Variants in MECOM observed in about 807,000 individuals in gnomAD.
MECOM encodes MDS1 and EVI1 complex locus.
Under a neutral mutation model 116.3 loss-of-function variants are expected in MECOM, and 13 were observed. That is an observed-to-expected ratio of 0.11 (90% CI 0.07 to 0.18). MECOM has a LOEUF of 0.18. Among genes scored for constraint, MECOM ranks in the 10% least tolerant of loss-of-function variants. MECOM has a pLI of 1.00. For synonymous variants in MECOM, 528 were observed against 535.2 expected (o/e 0.99, Z 0.19); for missense variants, 1,299 against 1,509.0 (o/e 0.86, Z 2.31).
chr3:169,580,501 A>G (rs1484170050), intron 1 of MECOM, among the ~76,000 whole-genome samples: 1 of 152,226 alleles, frequency 6.6e-6, no homozygotes, highest in Admixed American at 6.5e-5. Context: ...ATTCACCTCC[A>G]GTTACCCTCA....
At chr3:169,182,319 A>G (rs1029157687) in intron 2 of MECOM, among the ~76,000 whole-genome samples, 9 of 152,212 alleles carry the variant, frequency 5.9e-5, no homozygotes, top group South Asian at 4.1e-4. Flanking sequence ...TTTCATACAA[A>G]CAAGCAGACT....
chr3:169,607,367 TAAC>T (rs1380011006), intron 1 of MECOM, among the ~76,000 whole-genome samples: 2 of 152,056 alleles, frequency 1.3e-5, no homozygotes, highest in Non-Finnish European at 2.9e-5. Flanking sequence ...CTTCATAAAA[TAAC>T]AACACCAGCA....
rs1560340045 is a variant in MECOM, at chr3:169,485,911, G to GTATGTATATATAGTATATATGTATATA, written c.38-104388_38-104387insTATATACATATATACTATATATACATA. Among the ~76,000 whole-genome samples, 543 of 106,940 alleles carry GTATGTATATATAGTATATATGTATATA rather than the reference G, an allele frequency of 5.1e-3. 55 individuals are homozygous for GTATGTATATATAGTATATATGTATATA. Among genetic ancestry groups the GTATGTATATATAGTATATATGTATATA allele is most frequent in the African/African-American group, 0.022 (524 of 24,008 alleles). 70.2% of individuals were successfully genotyped at this position (106,940 alleles called of 152,430 possible). ...TATATATAGTATATATAGTATATAT[G>GTATGTATATATAGTATATATGTATATA]TATGTATATATAGTATATATAGTAT... On this transcript the variant is annotated intron_variant, in intron 1 of 16. Coordinates refer to ENST00000651503, the MANE Select transcript of MECOM (RefSeq NM_004991.4).
chr3:169,214,854 T>TTA (rs1237121069), intron 2 of MECOM, among the ~76,000 whole-genome samples: 1 of 148,020 alleles, frequency 6.8e-6, no homozygotes, highest in Non-Finnish European at 1.5e-5. Flanking sequence ...ATCTATAGGA[T>TTA]TATATATATC....
chr3:169,646,804 T>C (rs1230370449), intron 1 of MECOM, among the ~76,000 whole-genome samples: 1 of 152,216 alleles, frequency 6.6e-6, no homozygotes, highest in Non-Finnish European at 1.5e-5. Context: ...ATAATTAGCT[T>C]GTGATGTCAG....
At chr3:169,393,332 A>G (rs960300408) in intron 1 of MECOM, among the ~76,000 whole-genome samples, 11 of 152,058 alleles carry the variant, frequency 7.2e-5, no homozygotes, top group South Asian at 2.1e-4. Context: ...TGTCAGTACT[A>G]TTGTCTTCTG....
chr3:169,096,493 C>A (rs936716576), intron 12 of MECOM, among the ~76,000 whole-genome samples: 1 of 152,050 alleles, frequency 6.6e-6, no homozygotes, highest in African/African-American at 2.4e-5. Flanking sequence ...TGGTCTCGAA[C>A]TCCTGACCTC....
chr3:169,338,012 G>T (rs1723857261), intron 2 of MECOM, among the ~76,000 whole-genome samples: 1 of 152,158 alleles, frequency 6.6e-6, no homozygotes, highest in Non-Finnish European at 1.5e-5. Flanking sequence ...GAATACAAGA[G>T]AATTCATAAG....
At chr3:169,441,397 T>C (rs1374041252) in intron 1 of MECOM, among the ~76,000 whole-genome samples, 2 of 152,218 alleles carry the variant, frequency 1.3e-5, no homozygotes, top group Non-Finnish European at 2.9e-5. Flanking sequence ...TTTTTAAAAC[T>C]CTGTACCAGT....
In MECOM at chr3:169,158,172, TA is replaced by T. The variant is rs1297064407; in HGVS notation, c.376-14341del. ...CTAAGTGTTTTAGCTACGTAACTTT[TA>T]AAAAATGTGGTGGTGGTTGTCGTCC... On this transcript the variant is annotated intron_variant, in intron 2 of 16. Transcript: ENST00000651503. Among the ~76,000 whole-genome samples, 6 of 152,222 alleles carry T rather than the reference TA, an allele frequency of 3.9e-5. 1 individual carries two copies. The highest frequency in any genetic ancestry group is 1.4e-4 in the African/African-American group (6 of 41,454).
chr3:169,292,877 G>T lies in MECOM; in HGVS notation c.375+88310C>A, dbSNP rs182247003. On this transcript the variant is annotated intron_variant, in intron 2 of 16. Coordinates refer to ENST00000651503, the MANE Select transcript of MECOM (RefSeq NM_004991.4). ...TTAGAGGCATGTGGGGCATTCTAAT[G>T]ATTTCCATTGCCCCTGTGGTCATCT... 1.3e-3 allele frequency among the ~76,000 whole-genome samples: 196 copies of T among 152,252 alleles called. 3 individuals carry two copies. The highest frequency in any genetic ancestry group is 0.011 in the Admixed American group (162 of 15,282).
At chr3:169,124,748 A>T (rs1011408040) in intron 5 of MECOM, among the ~76,000 whole-genome samples, 1 of 152,136 alleles carries the variant, frequency 6.6e-6, no homozygotes, top group Non-Finnish European at 1.5e-5. Context: ...ATGGGATTTT[A>T]AAAATCCTAT....
intron 2 of MECOM, among the ~76,000 whole-genome samples, chr3:169,238,355 A>G (rs907980707): frequency 6.6e-6 from 1 of 152,162 alleles, no homozygotes; most frequent in Non-Finnish European, 1.5e-5. Context: ...CAGTAGATGT[A>G]TGAACTCATA....
At chr3:169,543,095 T>C (rs1760299378) in intron 1 of MECOM, among the ~76,000 whole-genome samples, 1 of 152,190 alleles carries the variant, frequency 6.6e-6, no homozygotes, top group South Asian at 2.1e-4. Flanking sequence ...ATTTTTTTAA[T>C]ATTTAGAGAA....
chr3:169,630,629 T>A (rs1771973591), intron 1 of MECOM, among the ~76,000 whole-genome samples: 1 of 152,102 alleles, frequency 6.6e-6, no homozygotes, highest in African/African-American at 2.4e-5. Context: ...ATTTTGTATT[T>A]TTATTTTTAT....
At chr3:169,509,791 G>A (rs1039478211) in intron 1 of MECOM, among the ~76,000 whole-genome samples, 1 of 152,264 alleles carries the variant, frequency 6.6e-6, no homozygotes, top group Non-Finnish European at 1.5e-5. Context: ...TGCACCTTTC[G>A]ACCATTGTGA....
chr3:169,332,305 AT>A (rs141041117), intron 2 of MECOM, among the ~76,000 whole-genome samples: 75 of 149,802 alleles, frequency 5.0e-4, no homozygotes, highest in Admixed American at 2.9e-3. Flanking sequence ...TCGAAGGCTT[AT>A]TTTTTTTTTC....
intron 1 of MECOM, among the ~76,000 whole-genome samples, chr3:169,614,362 C>A (rs1769715413): frequency 1.3e-5 from 2 of 151,866 alleles, no homozygotes; most frequent in African/African-American, 4.8e-5. Flanking sequence ...CCGAGCCTAG[C>A]AACTACCCTC....
chr3:169,583,772 T>TA (rs900350581), intron 1 of MECOM, among the ~76,000 whole-genome samples: 6 of 151,902 alleles, frequency 3.9e-5, no homozygotes, highest in African/African-American at 1.4e-4. Flanking sequence ...GGCTAATTTT[T>TA]TTTTTTTTTT....
Sources: allele counts gnomAD v4.1 joint callset (sites outside exome capture counted in the v4.1 genomes callset), GRCh38; gene constraint gnomAD v4.1.1; transcripts MANE v1.5; gene names NCBI Gene and HGNC (gene_info 2026-07-23, HGNC 2026-07-21).